Variants in ATP2C2 observed in about 807,000 individuals in gnomAD.
ATP2C2 encodes the protein calcium-transporting ATPase type 2C member 2.
ATP2C2 carries 171 observed loss-of-function variants against 110.8 expected under a neutral mutation model. The ratio of observed to expected loss-of-function variants is 1.54; its 90% confidence interval spans 1.36 to 1.75. The LOEUF is 1.75. Among genes scored for constraint, ATP2C2 ranks in the 40% most tolerant of loss-of-function variants. ATP2C2 has a pLI of 0.00. For synonymous variants in ATP2C2, 804 were observed against 508.4 expected (o/e 1.58, Z -7.82); for missense variants, 1,963 against 1,235.0 (o/e 1.59, Z -8.84).
intron 1 of ATP2C2, among the ~76,000 whole-genome samples, chr16:84,393,207 T>C (rs1166010213): frequency 6.6e-6 from 1 of 152,126 alleles, no homozygotes; most frequent in Non-Finnish European, 1.5e-5. Flanking sequence ...AAGGATACAT[T>C]AAGTGCCATT....
intron 2 of ATP2C2, among the ~76,000 whole-genome samples, chr16:84,401,444 C>T (rs375172631): frequency 3.3e-5 from 5 of 151,952 alleles, no homozygotes; most frequent in Admixed American, 2.0e-4. Flanking sequence ...AGGCTGATCT[C>T]GAACTCCTGA....
In ATP2C2 at chr16:84,422,381, C is replaced by T. The variant is rs751778433; in HGVS notation, c.625-9C>T. The T allele has an allele frequency of 6.2e-7, 1 of 1,611,208 alleles. No homozygotes were observed. Among genetic ancestry groups the T allele is most frequent in the Middle Eastern group, 1.7e-4 (1 of 6,038 alleles). On this transcript the variant is annotated splice_polypyrimidine_tract_variant and intron_variant, in intron 7 of 26. Transcript: ENST00000262429. ...GAGATTCCACAGCCTTTTCCCCTTG[C>T]TCTCCTAGGTCACGGACCTCTTGGT...
rs748225508 is a variant in ATP2C2 at position 84,453,389 on chromosome 16, G to C, written c.1980+18G>C. 5 of 1,614,144 alleles carry C rather than the reference G, an allele frequency of 3.1e-6. No homozygotes were observed. Among genetic ancestry groups the C allele is most frequent in the East Asian group, 4.5e-5 (2 of 44,878 alleles). On this transcript the variant is annotated intron_variant, in intron 20 of 26. Transcript: ENST00000262429. Reference sequence around the variant, plus strand: ...TCATCAAGGTTCGCTGGGCAAGGCAGGCACAGGCTGCGCTGCTGGGGCCGG... The same window carrying C: ...TCATCAAGGTTCGCTGGGCAAGGCACGCACAGGCTGCGCTGCTGGGGCCGG...
intron 2 of ATP2C2, among the ~76,000 whole-genome samples, chr16:84,401,762 A>G (rs1383155955): frequency 2.0e-5 from 3 of 152,094 alleles, no homozygotes; most frequent in Non-Finnish European, 4.4e-5. Context: ...GTCAGGTAAT[A>G]TGATTCCTCC....
chr16:84,416,113 G>A (rs1315736073), intron 7 of ATP2C2, among the ~76,000 whole-genome samples: 2 of 152,206 alleles, frequency 1.3e-5, no homozygotes, highest in African/African-American at 4.8e-5. Context: ...GGCGGAGGTT[G>A]CAGTGAGCCG....
At chr16:84,440,080 C>T (rs1009960454) in intron 13 of ATP2C2, among the ~76,000 whole-genome samples, 33 of 152,210 alleles carry the variant, frequency 2.2e-4, no homozygotes, top group African/African-American at 7.0e-4. Context: ...TCAGGTGATC[C>T]GCCCGCCTTG....
In ATP2C2 at chr16:84,459,139, A is replaced by G. The variant is rs773222647; in HGVS notation, c.2167A>G (p.Lys723Glu). The G allele has an allele frequency of 6.2e-7, 1 of 1,614,118 alleles. No individual in the cohort carries two copies. Among genetic ancestry groups the G allele is most frequent in the Non-Finnish European group, 8.5e-7 (1 of 1,180,012 alleles). The change falls in exon 22 of 27, where the codon AAG becomes GAG. Residue 723 changes from lysine (K) to glutamate (E), a missense_variant. Coordinates refer to ENST00000262429, the MANE Select transcript of ATP2C2 (RefSeq NM_014861.4). Reference sequence around the variant, plus strand: ...TTGCAGGAATGCAGTGGAGGAAGGCAAGGGTATTTTTTACAACATCAAAAA... The same window carrying G: ...TTGCAGGAATGCAGTGGAGGAAGGCGAGGGTATTTTTTACAACATCAAAAA... Reference protein sequence around the residue: ...SAIMNAVEEGKGIFYNIKNFV... With the variant: ...SAIMNAVEEGEGIFYNIKNFV...
intron 17 of ATP2C2, among the ~76,000 whole-genome samples, chr16:84,449,881 T>C (rs1324152664): frequency 6.6e-6 from 1 of 152,248 alleles, no homozygotes; most frequent in African/African-American, 2.4e-5. Context: ...CACGTGGCAC[T>C]GGCCTCTAAA....
intron 1 of ATP2C2, among the ~76,000 whole-genome samples, chr16:84,385,283 G>A (rs749478874): frequency 2.0e-5 from 3 of 151,836 alleles, no homozygotes; most frequent in East Asian, 1.9e-4. Context: ...TTTAAATGAC[G>A]AGATCTCACG....
chr16:84,407,002 C>G (rs975105549), intron 3 of ATP2C2, among the ~76,000 whole-genome samples: 5 of 152,214 alleles, frequency 3.3e-5, no homozygotes, highest in Non-Finnish European at 5.9e-5. Flanking sequence ...GCTCATTCAT[C>G]TTATAGCTTG....
intron 1 of ATP2C2, among the ~76,000 whole-genome samples, chr16:84,379,777 G>C (rs1305703157): frequency 1.3e-5 from 2 of 152,128 alleles, no homozygotes; most frequent in African/African-American, 4.8e-5. Context: ...GATCCTACTG[G>C]GTGGGGCTCA....
intron 14 of ATP2C2, 108 bp downstream of exon 14, chr16:84,441,066 C>A (rs1909212454): frequency 2.1e-6 from 2 of 960,716 alleles, no homozygotes; most frequent in Non-Finnish European, 3.3e-6. Flanking sequence ...TTGACAATGA[C>A]TGGCCCATCC....
chr16:84,410,999 C>A, intron 6 of ATP2C2: 1 of 566,854 alleles, frequency 1.8e-6, no homozygotes. Context: ...AATCAGGGTG[C>A]CTAGCCTGAG....
chr16:84,396,173 CT>C (rs1904960115), intron 1 of ATP2C2, among the ~76,000 whole-genome samples: 1 of 152,094 alleles, frequency 6.6e-6, no homozygotes, highest in South Asian at 2.1e-4. Flanking sequence ...GGTAATTGGG[CT>C]CTTATCCTGA....
chr16:84,446,151 T>C (rs1024973326), intron 15 of ATP2C2, among the ~76,000 whole-genome samples, 178 bp from the exon 16 acceptor site: 1 of 151,576 alleles, frequency 6.6e-6, no homozygotes, highest in Non-Finnish European at 1.5e-5. Context: ...GAAGAGACTT[T>C]TTTTTTTTTT....
At chr16:84,381,597 A>T (rs59774818) in intron 1 of ATP2C2, among the ~76,000 whole-genome samples, 14,864 of 151,668 alleles carry the variant, frequency 0.098, 868 homozygotes, top group Middle Eastern at 0.17. Flanking sequence ...AAAAATATTT[A>T]AAAAAAAATT....
intron 7 of ATP2C2, among the ~76,000 whole-genome samples, chr16:84,420,057 C>T (rs1347368967): frequency 2.6e-5 from 4 of 152,142 alleles, no homozygotes; most frequent in African/African-American, 7.2e-5. Context: ...CATGGGGGCA[C>T]CTAAAACCCT....
chr16:84,442,585 G>T lies in ATP2C2; in HGVS notation c.1387G>T (p.Ala463Ser), dbSNP rs771563962. The T allele has an allele frequency of 4.6e-5, 75 of 1,613,940 alleles. No homozygotes were observed. The South Asian group carries it at 7.9e-4, about 17-fold the overall frequency. The change falls in exon 15 of 27, where the codon GCC (alanine) becomes TCC (serine). Residue 463 changes from alanine to serine, a missense_variant. By Grantham distance (99) the Ala-to-Ser change is moderately conservative (BLOSUM62 1). Transcript: ENST00000262429. ...MGQPTEGALM[A>S]LAMKMDLSDI... Reference sequence around the variant, plus strand: ...GCAGCCCACCGAGGGTGCATTGATGGCCCTGGCGATGAAGGTAGGAGGTCC... The same window carrying T: ...GCAGCCCACCGAGGGTGCATTGATGTCCCTGGCGATGAAGGTAGGAGGTCC...
At chr16:84,393,439 C>T (rs1260531877) in intron 1 of ATP2C2, among the ~76,000 whole-genome samples, 1 of 152,096 alleles carries the variant, frequency 6.6e-6, no homozygotes, top group Non-Finnish European at 1.5e-5. Context: ...CAAGCCCTCA[C>T]TTACAATGTA....
Sources: allele counts gnomAD v4.1 joint callset (sites outside exome capture counted in the v4.1 genomes callset), GRCh38; gene constraint gnomAD v4.1.1; transcripts MANE v1.5; gene names NCBI Gene and HGNC (gene_info 2026-07-23, HGNC 2026-07-21).